PTPRM: variants seen among roughly 807,000 people sequenced by gnomAD.
PTPRM encodes receptor-type tyrosine-protein phosphatase mu.
A neutral mutation model predicts 186.7 loss-of-function variants in PTPRM; 47 were observed. The observed-to-expected ratio is 0.25, with a 90% CI of 0.20 to 0.32. PTPRM has a LOEUF of 0.32. Among genes scored for constraint, PTPRM ranks in the 10% least tolerant of loss-of-function variants. The pLI is 1.00. For synonymous variants in PTPRM, 668 were observed against 674.9 expected (o/e 0.99, Z 0.16); for missense variants, 1,494 against 1,865.0 (o/e 0.80, Z 3.66).
intron 3 of PTPRM, among the ~76,000 whole-genome samples, chr18:7,890,539 G>A (rs2049019676): frequency 6.6e-6 from 1 of 152,038 alleles, no homozygotes; most frequent in Non-Finnish European, 1.5e-5. Flanking sequence ...TGGAAATGAA[G>A]ACATAGGGAA....
intron 20 of PTPRM, among the ~76,000 whole-genome samples, chr18:8,307,889 C>T (rs2095238730): frequency 1.3e-5 from 2 of 152,228 alleles, no homozygotes; most frequent in Admixed American, 1.3e-4. Flanking sequence ...AGGGAACTCA[C>T]CATCTCAGGA....
At chr18:7,758,382 T>A (rs2041609964) in intron 1 of PTPRM, among the ~76,000 whole-genome samples, 1 of 152,098 alleles carries the variant, frequency 6.6e-6, no homozygotes. Flanking sequence ...AAGAAACATT[T>A]TGTGTGATAG....
intron 1 of PTPRM, among the ~76,000 whole-genome samples, chr18:7,626,468 T>C (rs1386936945): frequency 6.6e-6 from 1 of 152,166 alleles, no homozygotes; most frequent in Non-Finnish European, 1.5e-5. Flanking sequence ...TGACTCCAAC[T>C]GTCAGCCTGG....
intron 14 of PTPRM, among the ~76,000 whole-genome samples, chr18:8,225,013 T>C (rs998717223): frequency 2.0e-5 from 3 of 152,250 alleles, no homozygotes; most frequent in African/African-American, 4.8e-5. Flanking sequence ...AAGTTCCACA[T>C]CAGCCCTTCA....
chr18:7,792,269 T>C (rs7232461), intron 2 of PTPRM, among the ~76,000 whole-genome samples: 13,058 of 152,246 alleles, frequency 0.086, 1,683 homozygotes, highest in African/African-American at 0.28. Flanking sequence ...CATAGTGGTC[T>C]GTATGCTACA....
At chr18:8,292,062 T>C (rs2095049041) in intron 19 of PTPRM, among the ~76,000 whole-genome samples, 1 of 152,186 alleles carries the variant, frequency 6.6e-6, no homozygotes, top group South Asian at 2.1e-4. Context: ...GCCCTGAGAA[T>C]TGTTAGCCAG....
intron 2 of PTPRM, among the ~76,000 whole-genome samples, chr18:7,866,634 G>A (rs1225667739): frequency 6.6e-6 from 1 of 152,144 alleles, no homozygotes; most frequent in African/African-American, 2.4e-5. Flanking sequence ...GAATAAGTGT[G>A]ATGTGCTGCT....
Position 7,949,301 on chromosome 18 carries a change from A to T in PTPRM, c.784A>T (p.Ile262Phe). 6.2e-7 allele frequency: 1 copy of T among 1,614,152 alleles called. No individual in the cohort carries two copies. The highest frequency in any genetic ancestry group is 2.2e-5 in the East Asian group (1 of 44,876). ...AGATGCTGGAAAGTACCGCTGCATG[A>T]TTCGCACTGAAGGAGGTGTTGGAAT... ...KRDAGKYRCM[I>F]RTEGGVGISN... The change falls in exon 6 of 33, where the codon ATT (isoleucine) becomes TTT (phenylalanine). Residue 262 changes from isoleucine to phenylalanine, a missense_variant. Coordinates refer to ENST00000580170, the MANE Select transcript of PTPRM (RefSeq NM_001105244.2).
At chr18:8,340,618 T>C (rs2095468737) in intron 22 of PTPRM, among the ~76,000 whole-genome samples, 1 of 152,196 alleles carries the variant, frequency 6.6e-6, no homozygotes, top group Non-Finnish European at 1.5e-5. Context: ...GAGTTCCTTC[T>C]ACATCCAAGC....
chr18:8,079,186 C>T (rs1440079679), intron 9 of PTPRM, among the ~76,000 whole-genome samples: 1 of 152,160 alleles, frequency 6.6e-6, no homozygotes, highest in African/African-American at 2.4e-5. Context: ...CCTTTTCACT[C>T]CTCTGACTCC....
chr18:7,772,600 A>G (rs913875686), intron 1 of PTPRM, among the ~76,000 whole-genome samples: 2 of 151,682 alleles, frequency 1.3e-5, no homozygotes. Flanking sequence ...GATGTTCTAC[A>G]TAGTCAGGAT....
intron 7 of PTPRM, among the ~76,000 whole-genome samples, chr18:7,984,095 A>G (rs1048700499): frequency 2.6e-5 from 4 of 152,290 alleles, no homozygotes; most frequent in Middle Eastern, 3.4e-3. Flanking sequence ...AAATAAGGTC[A>G]AGATAGGAAG....
At chr18:7,688,302 G>T (rs1457894636) in intron 1 of PTPRM, among the ~76,000 whole-genome samples, 3 of 152,168 alleles carry the variant, frequency 2.0e-5, no homozygotes, top group Non-Finnish European at 4.4e-5. Context: ...ACCCTCTCCT[G>T]ATAGTGCCTG....
chr18:7,575,900 T>C (rs1054128306), intron 1 of PTPRM, among the ~76,000 whole-genome samples: 1 of 152,200 alleles, frequency 6.6e-6, no homozygotes, highest in Non-Finnish European at 1.5e-5. Context: ...TCAAAAACTT[T>C]ATATGAAATG....
chr18:7,767,890 G>A (rs948280817), intron 1 of PTPRM, among the ~76,000 whole-genome samples: 1 of 152,158 alleles, frequency 6.6e-6, no homozygotes, highest in African/African-American at 2.4e-5. Context: ...GGGCTGGATG[G>A]TTTGTGGAGG....
intron 11 of PTPRM, among the ~76,000 whole-genome samples, chr18:8,106,225 C>T (rs765165512): frequency 6.6e-6 from 1 of 152,108 alleles, no homozygotes; most frequent in Non-Finnish European, 1.5e-5. Flanking sequence ...GAGGTAGGAC[C>T]CAGCTCATTG....
intron 14 of PTPRM, among the ~76,000 whole-genome samples, chr18:8,236,852 A>G (rs1261007833): frequency 2.0e-5 from 3 of 152,166 alleles, no homozygotes; most frequent in Non-Finnish European, 4.4e-5. Flanking sequence ...CCTAACGGGT[A>G]TATTTAGACT....
chr18:7,734,565 G>C (rs879566719), intron 1 of PTPRM, among the ~76,000 whole-genome samples: 3 of 152,150 alleles, frequency 2.0e-5, no homozygotes, highest in Non-Finnish European at 4.4e-5. Context: ...CTGGATTCTG[G>C]TAGGGTTGAT....
chr18:8,133,223 A>C (rs2092556516), intron 13 of PTPRM, among the ~76,000 whole-genome samples: 1 of 152,160 alleles, frequency 6.6e-6, no homozygotes, highest in African/African-American at 2.4e-5. Flanking sequence ...ATGGCAACTA[A>C]ATTTGCAACA....
Sources: allele counts gnomAD v4.1 joint callset (sites outside exome capture counted in the v4.1 genomes callset), GRCh38; gene constraint gnomAD v4.1.1; transcripts MANE v1.5; gene names NCBI Gene and HGNC (gene_info 2026-07-23, HGNC 2026-07-21).